FAM135A: variants seen among roughly 807,000 people sequenced by gnomAD.
FAM135A encodes protein FAM135A.
Under a neutral mutation model 146.8 loss-of-function variants are expected in FAM135A, and 79 were observed. That is an observed-to-expected ratio of 0.54 (90% CI 0.45 to 0.65). The LOEUF (loss-of-function observed/expected upper bound fraction) is 0.65, where lower values mean the gene tolerates loss of function less well. Among genes scored for constraint, FAM135A ranks in the 30% least tolerant of loss-of-function variants. FAM135A has a pLI of 0.00. For synonymous variants in FAM135A, 562 were observed against 603.6 expected (o/e 0.93, Z 1.01); for missense variants, 1,623 against 1,758.2 (o/e 0.92, Z 1.38).
At chr6:70,422,211 G>A (rs79682657) in intron 2 of FAM135A, among the ~76,000 whole-genome samples, 4,246 of 152,228 alleles carry the variant, frequency 0.028, 89 homozygotes, top group Middle Eastern at 0.072. Flanking sequence ...AAATTTAGAA[G>A]ACCCTGATAG....
At chr6:70,416,780 A>C (rs937724997) in intron 2 of FAM135A, among the ~76,000 whole-genome samples, 3 of 152,140 alleles carry the variant, frequency 2.0e-5, no homozygotes, top group African/African-American at 7.2e-5. Flanking sequence ...AAGAAAGAGG[A>C]ATAAGAAGCA....
intron 15 of FAM135A, 52 bp downstream of exon 15, chr6:70,526,750 T>TACACACACACACATAC (rs1794777600): frequency 1.2e-6 from 1 of 826,898 alleles, no homozygotes; most frequent in African/African-American, 2.1e-5. Flanking sequence ...CATATATATA[T>TACACACACACACATAC]ACACACACAC....
intron 5 of FAM135A, among the ~76,000 whole-genome samples, chr6:70,454,204 C>T (rs917867499): frequency 5.9e-5 from 9 of 152,146 alleles, no homozygotes; most frequent in Admixed American, 5.9e-4. Flanking sequence ...TAAATGTCTT[C>T]TTTTGAAAAG....
chr6:70,428,166 G>T, intron 3 of FAM135A, 138 bp from the exon 4 acceptor site: 1 of 470,918 alleles, frequency 2.1e-6, no homozygotes. Context: ...GTTGGGTTAG[G>T]TTGTTAAGTA....
At chr6:70,428,204 G>A in intron 3 of FAM135A, 100 bp from the exon 4 acceptor site, 1 of 545,678 alleles carries the variant, frequency 1.8e-6, no homozygotes, top group East Asian at 3.2e-5. Context: ...TTTATTTTCT[G>A]CCTATGTGTC....
intron 5 of FAM135A, among the ~76,000 whole-genome samples, chr6:70,463,281 G>T (rs928369586): frequency 2.6e-5 from 4 of 151,750 alleles, no homozygotes; most frequent in African/African-American, 7.3e-5. Flanking sequence ...ATAGGGTCTT[G>T]CTCTGTCACC....
At chr6:70,517,548 A>C (rs1188016155) in intron 12 of FAM135A, among the ~76,000 whole-genome samples, 1 of 150,272 alleles carries the variant, frequency 6.7e-6, no homozygotes, top group East Asian at 2.0e-4. Context: ...CCTCCTAATT[A>C]GCTGAGATTA....
At chr6:70,533,050 C>A in intron 16 of FAM135A, 110 bp from the exon 17 acceptor site, 1 of 810,896 alleles carries the variant, frequency 1.2e-6, no homozygotes, top group Non-Finnish European at 2.0e-6. Context: ...TGTCTGTTCA[C>A]AAATGGCATA....
intron 12 of FAM135A, among the ~76,000 whole-genome samples, chr6:70,515,311 A>C (rs754307311): frequency 6.6e-6 from 1 of 152,230 alleles, no homozygotes; most frequent in Non-Finnish European, 1.5e-5. Flanking sequence ...AAACCTCCAC[A>C]TATAGCAGCT....
chr6:70,511,075 A>G (rs1790896397), intron 12 of FAM135A, among the ~76,000 whole-genome samples: 1 of 151,972 alleles, frequency 6.6e-6, no homozygotes, highest in Non-Finnish European at 1.5e-5. Context: ...CCATTTGTGT[A>G]TCTCCTTTGG....
chr6:70,512,244 G>A (rs74630258), intron 12 of FAM135A, among the ~76,000 whole-genome samples: 3,828 of 151,816 alleles, frequency 0.025, 164 homozygotes, highest in African/African-American at 0.088. Flanking sequence ...CTTTATCGTT[G>A]AGTAGTATTT....
intron 5 of FAM135A, among the ~76,000 whole-genome samples, chr6:70,471,234 T>C (rs1781558992): frequency 1.3e-5 from 2 of 152,212 alleles, no homozygotes; most frequent in South Asian, 4.1e-4. Flanking sequence ...GGGTAACATA[T>C]ATCCTTAATA....
intron 21 of FAM135A, among the ~76,000 whole-genome samples, chr6:70,557,967 A>C (rs1050430088): frequency 6.6e-6 from 1 of 152,180 alleles, no homozygotes; most frequent in Non-Finnish European, 1.5e-5. Context: ...GCTAGAGTCC[A>C]CCTAAGGAAA....
At chr6:70,444,023 C>G (rs1775144393) in intron 4 of FAM135A, among the ~76,000 whole-genome samples, 1 of 152,208 alleles carries the variant, frequency 6.6e-6, no homozygotes, top group South Asian at 2.1e-4. Context: ...CACCACAACT[C>G]TTAAAATGGA....
At chr6:70,467,540 C>A (rs897552461) in intron 5 of FAM135A, among the ~76,000 whole-genome samples, 1 of 152,040 alleles carries the variant, frequency 6.6e-6, no homozygotes, top group Non-Finnish European at 1.5e-5. Context: ...TAAGGTGGAT[C>A]ATCTTTACTG....
At chr6:70,507,891 G>A (rs1362725244) in intron 12 of FAM135A, among the ~76,000 whole-genome samples, 1 of 152,088 alleles carries the variant, frequency 6.6e-6, no homozygotes, top group Non-Finnish European at 1.5e-5. Context: ...AAATCATCCT[G>A]AATTTTATGT....
At chr6:70,511,832 C>T (rs1791060643) in intron 12 of FAM135A, among the ~76,000 whole-genome samples, 1 of 151,906 alleles carries the variant, frequency 6.6e-6, no homozygotes. Context: ...TACTCCTACG[C>T]TACAAACCTG....
intron 4 of FAM135A, among the ~76,000 whole-genome samples, chr6:70,447,861 G>T (rs1028702681): frequency 6.6e-6 from 1 of 152,164 alleles, no homozygotes; most frequent in African/African-American, 2.4e-5. Flanking sequence ...CCAGGAAGTG[G>T]AGTATTTCCT....
intron 4 of FAM135A, among the ~76,000 whole-genome samples, chr6:70,430,419 G>A (rs1285429142): frequency 1.3e-5 from 2 of 152,106 alleles, no homozygotes; most frequent in African/African-American, 2.4e-5. Flanking sequence ...GCATTCCATT[G>A]GCCAAGCAAG....
Sources: gnomAD v4.1 joint callset for allele counts (sites outside exome capture counted in the v4.1 genomes callset) on GRCh38, gnomAD v4.1.1 for gene constraint, MANE v1.5 for transcripts, NCBI Gene and HGNC (gene_info 2026-07-23, HGNC 2026-07-21) for gene names.